Variants in SVIL observed in about 807,000 individuals in gnomAD.
The protein encoded by SVIL is supervillin.
A neutral mutation model predicts 240.4 loss-of-function variants in SVIL; 101 were observed. The ratio of observed to expected loss-of-function variants is 0.42; its 90% CI spans 0.36 to 0.50. The LOEUF (loss-of-function observed/expected upper bound fraction) is 0.50, where lower values mean the gene tolerates loss of function less well. Ranked by LOEUF, SVIL falls within the 20% of genes least tolerant of loss-of-function variation. The probability of loss-of-function intolerance (pLI) is 0.01; values close to 1 mark genes in which losing one functional copy is unlikely to be tolerated. For missense variants in SVIL, 2,512 were observed against 2,818.7 expected (o/e 0.89, Z 2.46); for synonymous variants, 999 against 1,100.0 (o/e 0.91, Z 1.82).
rs1244097993 is a variant in SVIL at position 29,695,956 on chromosome 10, C to CCTCTCA, written c.-399-9306_-399-9305insTGAGAG. On this transcript the variant is annotated intron_variant, in intron 1 of 35. Coordinates refer to the SVIL transcript ENST00000375400. Reference sequence around the variant, plus strand: ...CCCTCTCCCTCTCCCTCTCCCTCTCCCGTCTCCCTCTCCCTCTCCTTTCCA... The same window carrying CCTCTCA: ...CCCTCTCCCTCTCCCTCTCCCTCTCCCTCTCACGTCTCCCTCTCCCTCTCCTTTCCA... 4.9e-5 allele frequency among the ~76,000 whole-genome samples: 6 copies of CCTCTCA among 122,836 alleles called. 1 individual carries two copies. Among genetic ancestry groups the CCTCTCA allele is most frequent in the Non-Finnish European group, 7.0e-5 (4 of 57,290 alleles). The allele number at this position is 122,836 out of a possible 152,430, so 80.6% of individuals were successfully genotyped here. A position where few individuals can be genotyped will look rare whatever the true frequency, so the allele number is the denominator to read the frequency against.
At chr10:29,538,528 G>A (rs534217450) in intron 6 of SVIL, among the ~76,000 whole-genome samples, 2 of 152,366 alleles carry the variant, frequency 1.3e-5, no homozygotes, top group Non-Finnish European at 2.9e-5. Context: ...TGTGAATTCT[G>A]TTCTTCTCCT....
At chr10:29,579,957 T>C (rs375599146) in intron 1 of SVIL, among the ~76,000 whole-genome samples, 2 of 152,062 alleles carry the variant, frequency 1.3e-5, no homozygotes, top group African/African-American at 2.4e-5. Flanking sequence ...TATCCTCATA[T>C]GCAGATGAGA....
intron 1 of SVIL, among the ~76,000 whole-genome samples, chr10:29,704,053 T>C (rs1169007847): frequency 2.6e-5 from 4 of 152,198 alleles, no homozygotes; most frequent in Non-Finnish European, 5.9e-5. Context: ...TTCTCCCGCC[T>C]CGGCCTCTCA....
At chr10:29,591,785 C>T (rs1300622978) in intron 1 of SVIL, among the ~76,000 whole-genome samples, 1 of 152,236 alleles carries the variant, frequency 6.6e-6, no homozygotes, top group Non-Finnish European at 1.5e-5. Flanking sequence ...CTGCATGAAG[C>T]TCCATGCTGC....
intron 13 of SVIL, among the ~76,000 whole-genome samples, chr10:29,525,433 G>A (rs772363274): frequency 3.3e-5 from 5 of 152,100 alleles, no homozygotes; most frequent in Non-Finnish European, 7.4e-5. Context: ...GGGCAACATC[G>A]TGAAACCCCA....
At chr10:29,708,493 C>T (rs1204109892) in intron 1 of SVIL, among the ~76,000 whole-genome samples, 1 of 151,672 alleles carries the variant, frequency 6.6e-6, no homozygotes, top group Non-Finnish European at 1.5e-5. Context: ...TGGTGGCGGG[C>T]GCCTGTAATC....
At position 29,551,256 on chromosome 10, in the gene SVIL, T is replaced by G; in HGVS notation, c.168A>C (p.Ser56=). The G allele has an allele frequency of 6.3e-7, 1 of 1,592,872 alleles. No homozygotes were observed. Among genetic ancestry groups the G allele is most frequent in the Non-Finnish European group, 8.5e-7 (1 of 1,171,308 alleles). Residue 56 remains serine (S), a synonymous_variant, in exon 6 of 38, where the codon TCA becomes TCC. Coordinates refer to ENST00000355867, the MANE Select transcript of SVIL (RefSeq NM_021738.3). ...AATCAGAAGTTTCCTCCTCTTCATT[T>G]GATCGGCCTACAAGAAGGTCACATG... ...SDPASPHIGR[S]NEEEETSDSS... is the part of the protein sequence containing the mutation.
At chr10:29,552,324 G>A (rs892090878) in intron 5 of SVIL, among the ~76,000 whole-genome samples, 4 of 151,966 alleles carry the variant, frequency 2.6e-5, no homozygotes, top group South Asian at 2.1e-4. Flanking sequence ...TGAGGCAGGC[G>A]GATCACGAAG....
At chr10:29,469,046 G>A (rs1016161563) in intron 32 of SVIL, 2 of 152,194 alleles carry the variant, frequency 1.3e-5, no homozygotes, top group East Asian at 1.9e-4. Context: ...CATTTTTTCC[G>A]AGATTTATAG....
intron 1 of SVIL, among the ~76,000 whole-genome samples, chr10:29,630,610 T>C (rs1174839824): frequency 6.6e-6 from 1 of 152,090 alleles, no homozygotes; most frequent in Non-Finnish European, 1.5e-5. Context: ...AAAGTTCCAA[T>C]AATGAAGTGA....
At position 29,466,203 on chromosome 10, in the gene SVIL, A is replaced by G. The variant is rs1944895544; in HGVS notation, c.5978-453T>C. Among the ~76,000 whole-genome samples, 3 of 150,146 alleles carry G rather than the reference A, an allele frequency of 2.0e-5. No individual in the cohort carries two copies. In the South Asian group the frequency reaches 6.4e-4, roughly 32 times the overall value. On this transcript the variant is annotated intron_variant, in intron 33 of 37. Transcript: ENST00000355867. ...TATACACAGATATATGTATGTGTAT[A>G]TCACATACACATATGTAACATAAAT...
chr10:29,534,909 A>T (rs1215610119), intron 7 of SVIL, among the ~76,000 whole-genome samples: 1 of 152,208 alleles, frequency 6.6e-6, no homozygotes, highest in Admixed American at 6.5e-5. Flanking sequence ...AATTCCAACT[A>T]CTTGAGAATG....
intron 1 of SVIL, chr10:29,576,189 C>T: frequency 2.3e-6 from 2 of 880,494 alleles, no homozygotes; most frequent in Non-Finnish European, 2.7e-6. Flanking sequence ...CCTTTATGGA[C>T]ACTCATAAGA....
intron 1 of SVIL, among the ~76,000 whole-genome samples, chr10:29,630,259 A>G (rs559070548): frequency 2.6e-5 from 4 of 152,336 alleles, no homozygotes; most frequent in Admixed American, 6.5e-5. Flanking sequence ...GGGCTGTGAC[A>G]TGGGCAGACC....
At chr10:29,671,297 G>A (rs1392956255) in intron 2 of SVIL, among the ~76,000 whole-genome samples, 1 of 152,162 alleles carries the variant, frequency 6.6e-6, no homozygotes, top group Non-Finnish European at 1.5e-5. Context: ...CGGGATAGAT[G>A]CCTTCAACAG....
chr10:29,578,541 G>T (rs976167162), intron 1 of SVIL, among the ~76,000 whole-genome samples: 1 of 152,146 alleles, frequency 6.6e-6, no homozygotes, highest in Non-Finnish European at 1.5e-5. Flanking sequence ...CACCAGGTGC[G>T]CACAGAAGAA....
At chr10:29,507,988 T>C (rs1949505867) in intron 17 of SVIL, 1 of 192,122 alleles carries the variant, frequency 5.2e-6, no homozygotes, top group African/African-American at 2.4e-5. Context: ...ATGCTAATGC[T>C]AAAGTAAATC....
chr10:29,493,132 G>A (rs1249545395), intron 21 of SVIL, 82 bp downstream of exon 21: 9 of 1,451,836 alleles, frequency 6.2e-6, no homozygotes, highest in Non-Finnish European at 7.5e-6. Context: ...GCCACACTGG[G>A]GGAAAAGCCT....
chr10:29,496,524 T>C (rs1298695312), intron 18 of SVIL: 2 of 421,422 alleles, frequency 4.7e-6, no homozygotes, highest in Non-Finnish European at 9.5e-6. Flanking sequence ...TCCATCCGTG[T>C]CCTGGCCGGT....
Sources: allele counts gnomAD v4.1 joint callset (sites outside exome capture counted in the v4.1 genomes callset), GRCh38; gene constraint gnomAD v4.1.1; transcripts MANE v1.5; gene names NCBI Gene and HGNC (gene_info 2026-07-23, HGNC 2026-07-21).